Variants in KLHL2 observed in about 807,000 individuals in gnomAD.
KLHL2 encodes kelch like family member 2, also known as kelch-like protein 2.
A neutral mutation model predicts 75.8 loss-of-function variants in KLHL2; 15 were observed. The ratio of observed to expected loss-of-function variants is 0.20; its 90% CI spans 0.13 to 0.30. The LOEUF (loss-of-function observed/expected upper bound fraction) is 0.30. KLHL2 is among the 10% of genes least tolerant of loss of function. The pLI is 1.00. For missense variants in KLHL2, 381 were observed against 741.0 expected (o/e 0.51, Z 5.64); for synonymous variants, 214 against 251.9 (o/e 0.85, Z 1.42).
chr4:165,322,723 T>C lies in KLHL2; in HGVS notation c.*663T>C, dbSNP rs796080002. On this transcript the variant is annotated 3_prime_UTR_variant, in exon 15 of 15. Coordinates refer to ENST00000226725, the MANE Select transcript of KLHL2 (RefSeq NM_007246.4). ...AGTTGTATTTTTTGATATTTAACAATGCTTAACACTTTAAATGCCACTTCT... is the reference window on the plus strand; with the variant it reads ...AGTTGTATTTTTTGATATTTAACAACGCTTAACACTTTAAATGCCACTTCT... The C allele has an allele frequency of 8.5e-5, 13 of 152,778 alleles. No individual in the cohort carries two copies. Among genetic ancestry groups the C allele is most frequent in the African/African-American group, 3.1e-4 (13 of 41,584 alleles). 9.5% of individuals were successfully genotyped at this position (152,778 alleles called of 1,614,324 possible).
At chr4:165,237,268 ACCTT>A (rs1739427354) in intron 3 of KLHL2, among the ~76,000 whole-genome samples, 2 of 151,492 alleles carry the variant, frequency 1.3e-5, no homozygotes, top group South Asian at 4.2e-4. Flanking sequence ...GTATTCCTTG[ACCTT>A]CCTTTTTCCT....
chr4:165,207,759 G>T lies in KLHL2; in HGVS notation c.-118G>T. ...TGGCGCGCGGTGAGGAGAGCGCGGC[G>T]CCCCCTCCGGGGCGGATGGAACGCG... On this transcript the variant is annotated 5_prime_UTR_variant, in exon 1 of 15. Coordinates refer to ENST00000226725, the MANE Select transcript of KLHL2 (RefSeq NM_007246.4). The surrounding 1 kb of genome is among the most constrained non-coding windows in gnomAD (Gnocchi z 4.2). The T allele has an allele frequency of 1.2e-6, 1 of 808,678 alleles. No homozygotes were observed. The highest frequency in any genetic ancestry group is 1.7e-6 in the Non-Finnish European group (1 of 572,446). 50.1% of individuals were successfully genotyped at this position (808,678 alleles called of 1,614,324 possible). A position where few individuals can be genotyped will look rare whatever the true frequency, so the allele number is the denominator to read the frequency against.
In KLHL2 at chr4:165,299,205, G is replaced by C. The variant is rs575168284; in HGVS notation, c.772-302G>C. ...TTGTCTTAAAGGTTAAAGATACACA[G>C]GTGGATATAATATCCGAAGAGTTCA... On this transcript the variant is annotated intron_variant, in intron 7 of 14. Coordinates refer to ENST00000226725, the MANE Select transcript of KLHL2 (RefSeq NM_007246.4). Among the ~76,000 whole-genome samples the C allele has an allele frequency of 2.6e-3, 393 of 152,238 alleles. 2 individuals carry two copies. Among genetic ancestry groups the C allele is most frequent in the South Asian group, 0.013 (62 of 4,824 alleles).
At chr4:165,310,142 A>G (rs1276672008) in intron 9 of KLHL2, among the ~76,000 whole-genome samples, 2 of 151,944 alleles carry the variant, frequency 1.3e-5, no homozygotes, top group East Asian at 1.9e-4. Flanking sequence ...TCAAGACCAC[A>G]GTGAAACCCC....
chr4:165,303,494 G>GCTCCCCCCCC (rs1553963727), intron 8 of KLHL2, among the ~76,000 whole-genome samples: 1 of 113,294 alleles, frequency 8.8e-6, no homozygotes, highest in Non-Finnish European at 2.2e-5. Flanking sequence ...TTACAACCTT[G>GCTCCCCCCCC]CCCCCCCCGC....
chr4:165,299,296 A>G (rs1223395534), intron 7 of KLHL2, among the ~76,000 whole-genome samples: 2 of 152,030 alleles, frequency 1.3e-5, no homozygotes, highest in Non-Finnish European at 2.9e-5. Flanking sequence ...TATTACCTAT[A>G]TATGTTTTTC....
intron 3 of KLHL2, among the ~76,000 whole-genome samples, chr4:165,231,716 A>C (rs1738909012): frequency 6.6e-6 from 1 of 152,162 alleles, no homozygotes; most frequent in Non-Finnish European, 1.5e-5. Context: ...TACTGCTATG[A>C]ATATTCATGT....
chr4:165,210,187 G>A, intron 1 of KLHL2: 22 of 1,551,400 alleles, frequency 1.4e-5, no homozygotes, highest in Non-Finnish European at 1.9e-5. Flanking sequence ...TTGTGTAAGT[G>A]TCTGTTTATT....
chr4:165,244,452 T>C (rs1469867822), intron 4 of KLHL2, among the ~76,000 whole-genome samples: 1 of 152,168 alleles, frequency 6.6e-6, no homozygotes, highest in East Asian at 1.9e-4. Flanking sequence ...GTAAAGTAGA[T>C]TTTGGTGAAG....
chr4:165,289,509 G>GTTTTTTTTTTTT (rs1194080743), intron 5 of KLHL2, among the ~76,000 whole-genome samples: 1 of 112,974 alleles, frequency 8.9e-6, no homozygotes, highest in African/African-American at 3.6e-5. Context: ...TTTTGGTTTG[G>GTTTTTTTTTTTT]TTTTTTTTTT....
At chr4:165,231,298 A>T (rs1738866725) in intron 3 of KLHL2, among the ~76,000 whole-genome samples, 1 of 152,158 alleles carries the variant, frequency 6.6e-6, no homozygotes, top group African/African-American at 2.4e-5. Context: ...AAATATAAAA[A>T]ATCAGCTTAG....
At chr4:165,229,463 G>A (rs1374723758) in intron 3 of KLHL2, among the ~76,000 whole-genome samples, 2 of 152,106 alleles carry the variant, frequency 1.3e-5, no homozygotes, top group Non-Finnish European at 2.9e-5. Context: ...AAAATATACT[G>A]TACAAAGAAA....
chr4:165,289,736 A>G (rs1229656727), intron 5 of KLHL2, among the ~76,000 whole-genome samples: 1 of 152,164 alleles, frequency 6.6e-6, no homozygotes, highest in Non-Finnish European at 1.5e-5. Flanking sequence ...CTTTTAAAAA[A>G]TCACCACCAA....
intron 1 of KLHL2, among the ~76,000 whole-genome samples, chr4:165,218,869 C>T (rs1399461987): frequency 1.3e-5 from 2 of 152,172 alleles, no homozygotes; most frequent in African/African-American, 4.8e-5. Flanking sequence ...TATTTTTAGA[C>T]TTCATTTTTT....
chr4:165,277,999 G>A (rs558978351), intron 5 of KLHL2: 20 of 1,404,090 alleles, frequency 1.4e-5, no homozygotes, highest in Non-Finnish European at 1.9e-5. Flanking sequence ...GAATACCTGA[G>A]ATGTACCTTG....
Position 165,299,630 on chromosome 4 carries a change from C to T in KLHL2, c.895C>T (p.Leu299=). ...RILMKSVRTR[L]RTPMNLPKLM... ...ATTAATGAAGAGTGTCCGGACCCGG[C>T]TGAGGACACCCATGAACCTTCCCAA... Residue 299 remains leucine (L), a synonymous_variant, in exon 8 of 15, where the codon CTG becomes TTG. Coordinates refer to ENST00000226725, the MANE Select transcript of KLHL2 (RefSeq NM_007246.4). 1 of 1,611,948 alleles carries T rather than the reference C, an allele frequency of 6.2e-7. No homozygotes were observed. Among genetic ancestry groups the T allele is most frequent in the African/African-American group, 1.3e-5 (1 of 74,978 alleles).
chr4:165,320,704 A>G (rs1746908937), intron 14 of KLHL2, among the ~76,000 whole-genome samples: 1 of 152,236 alleles, frequency 6.6e-6, no homozygotes, highest in Non-Finnish European at 1.5e-5. Flanking sequence ...TATGAAAGTC[A>G]TCAAACCCAA....
intron 3 of KLHL2, among the ~76,000 whole-genome samples, chr4:165,232,168 A>G (rs530584302): frequency 6.6e-5 from 10 of 152,244 alleles, no homozygotes; most frequent in African/African-American, 2.4e-4. Flanking sequence ...ATTAGATAAG[A>G]TAAAGGCCAC....
chr4:165,222,879 G>C (rs1434701142), intron 2 of KLHL2, among the ~76,000 whole-genome samples: 1 of 152,178 alleles, frequency 6.6e-6, no homozygotes, highest in African/African-American at 2.4e-5. Context: ...AGCAACAGCT[G>C]TACTCCGAAC....
Sources: allele counts gnomAD v4.1 joint callset (sites outside exome capture counted in the v4.1 genomes callset), GRCh38; gene constraint gnomAD v4.1.1; non-coding constraint Gnocchi (gnomAD v3.1); transcripts MANE v1.5; gene names NCBI Gene and HGNC (gene_info 2026-07-23, HGNC 2026-07-21).